The following PPP1R12B variants were observed in gnomAD, a reference collection of about 807,000 sequenced individuals.
PPP1R12B encodes protein phosphatase 1 regulatory subunit 12B.
A neutral mutation model predicts 126.1 loss-of-function variants in PPP1R12B; 76 were observed. The ratio of observed to expected loss-of-function variants is 0.60; its 90% CI spans 0.50 to 0.73. PPP1R12B has a LOEUF of 0.73. PPP1R12B is among the 30% of genes least tolerant of loss of function. PPP1R12B has a pLI of 0.00. For synonymous variants in PPP1R12B, 356 were observed against 434.7 expected (o/e 0.82, Z 2.25); for missense variants, 1,052 against 1,205.1 (o/e 0.87, Z 1.88).
At chr1:202,536,405 A>G (rs1684533815) in intron 18 of PPP1R12B, among the ~76,000 whole-genome samples, 1 of 152,222 alleles carries the variant, frequency 6.6e-6, no homozygotes, top group African/African-American at 2.4e-5. Flanking sequence ...GGTATTGTAA[A>G]AATACTGGGT....
At chr1:202,437,291 A>G (rs761334318) in intron 9 of PPP1R12B, among the ~76,000 whole-genome samples, 17 of 152,178 alleles carry the variant, frequency 1.1e-4, no homozygotes, top group Middle Eastern at 3.4e-3. Context: ...TGATTAGGCC[A>G]CTGCACTCCA....
chr1:202,360,452 T>A (rs1657960375), intron 1 of PPP1R12B, among the ~76,000 whole-genome samples: 1 of 152,132 alleles, frequency 6.6e-6, no homozygotes, highest in Non-Finnish European at 1.5e-5. Flanking sequence ...CTTACACCTG[T>A]AATCACAGCA....
At chr1:202,455,386 C>A (rs1201023709) in intron 13 of PPP1R12B, among the ~76,000 whole-genome samples, 1 of 152,090 alleles carries the variant, frequency 6.6e-6, no homozygotes, top group Non-Finnish European at 1.5e-5. Flanking sequence ...TCCTTATTCC[C>A]CCTAGGCCTA....
chr1:202,505,419 C>T (rs766949730), intron 18 of PPP1R12B, among the ~76,000 whole-genome samples: 8 of 152,158 alleles, frequency 5.3e-5, no homozygotes, highest in Non-Finnish European at 8.8e-5. Flanking sequence ...TTTTTCACAG[C>T]GTTGCTTCTG....
At chr1:202,490,661 G>A (rs139645111) in intron 14 of PPP1R12B, among the ~76,000 whole-genome samples, 1 of 152,170 alleles carries the variant, frequency 6.6e-6, no homozygotes. Context: ...TGGCAACGCT[G>A]CTTCCACTTT....
intron 1 of PPP1R12B, among the ~76,000 whole-genome samples, chr1:202,379,615 A>G (rs1348028395): frequency 2.0e-5 from 3 of 152,208 alleles, no homozygotes; most frequent in Non-Finnish European, 4.4e-5. Context: ...TATTTTTAAA[A>G]TTCTTGTTGA....
intron 18 of PPP1R12B, among the ~76,000 whole-genome samples, chr1:202,519,602 C>T (rs1682550099): frequency 6.6e-6 from 1 of 152,154 alleles, no homozygotes; most frequent in Non-Finnish European, 1.5e-5. Flanking sequence ...CCACTCTTAA[C>T]TTCCATTTAG....
chr1:202,369,459 T>A (rs1659844877), intron 1 of PPP1R12B: 1 of 152,560 alleles, frequency 6.6e-6, no homozygotes, highest in Non-Finnish European at 1.5e-5. Context: ...TATTCATGAT[T>A]TGAATTCTGA....
At chr1:202,510,490 G>A (rs1362745684) in intron 18 of PPP1R12B, among the ~76,000 whole-genome samples, 1 of 152,156 alleles carries the variant, frequency 6.6e-6, no homozygotes, top group Non-Finnish European at 1.5e-5. Flanking sequence ...AATGTTTAGG[G>A]ATTGCTAACA....
chr1:202,377,459 C>T (rs1661378643), intron 1 of PPP1R12B, among the ~76,000 whole-genome samples: 2 of 151,852 alleles, frequency 1.3e-5, no homozygotes, highest in Admixed American at 1.3e-4. Context: ...CCCGCCACCA[C>T]GCCCGGCTAA....
At chr1:202,428,032 G>A (rs1669774071) in intron 5 of PPP1R12B, among the ~76,000 whole-genome samples, 3 of 46,692 alleles carry the variant, frequency 6.4e-5, no homozygotes, top group Admixed American at 5.7e-4. Flanking sequence ...CTGGTCTCAA[G>A]CTCCTGGGCT....
chr1:202,423,659 G>A (rs1483919285), intron 3 of PPP1R12B, among the ~76,000 whole-genome samples: 1 of 152,138 alleles, frequency 6.6e-6, no homozygotes, highest in Non-Finnish European at 1.5e-5. Context: ...TTCATGTATA[G>A]TTTTTCTGTC....
intron 1 of PPP1R12B, among the ~76,000 whole-genome samples, chr1:202,390,130 G>A (rs927977982): frequency 1.1e-4 from 17 of 152,108 alleles, no homozygotes; most frequent in African/African-American, 4.1e-4. Context: ...GTAGAAATCC[G>A]TGCAACTATG....
At chr1:202,509,634 A>G (rs1681208090) in intron 18 of PPP1R12B, among the ~76,000 whole-genome samples, 1 of 152,196 alleles carries the variant, frequency 6.6e-6, no homozygotes, top group Non-Finnish European at 1.5e-5. Context: ...TGCCTGTCAG[A>G]AGATTGTTAG....
intron 1 of PPP1R12B, among the ~76,000 whole-genome samples, chr1:202,375,474 C>T (rs560321324): frequency 1.3e-5 from 2 of 152,192 alleles, no homozygotes; most frequent in Non-Finnish European, 2.9e-5. Context: ...TCCTTATTGT[C>T]TCTCTTCTTT....
intron 12 of PPP1R12B, among the ~76,000 whole-genome samples, chr1:202,444,337 AT>A (rs999738961): frequency 6.6e-6 from 1 of 152,202 alleles, no homozygotes; most frequent in African/African-American, 2.4e-5. Flanking sequence ...TATTTTTGAA[AT>A]TTGAACCCAA....
At chr1:202,445,453 A>G (rs1199250014) in intron 12 of PPP1R12B, among the ~76,000 whole-genome samples, 1 of 152,244 alleles carries the variant, frequency 6.6e-6, no homozygotes, top group Admixed American at 6.5e-5. Context: ...TGGTGTTTGG[A>G]CATCAGCTTA....
intron 18 of PPP1R12B, chr1:202,502,275 G>T (rs570508744): frequency 5.5e-5 from 54 of 983,974 alleles, no homozygotes; most frequent in Non-Finnish European, 6.4e-5. Context: ...GATAACTGGG[G>T]GTATGCTCGT....
At chr1:202,542,380 T>C (rs1685214596) in intron 18 of PPP1R12B, among the ~76,000 whole-genome samples, 1 of 152,206 alleles carries the variant, frequency 6.6e-6, no homozygotes, top group Non-Finnish European at 1.5e-5. Flanking sequence ...AGAAGAGAAA[T>C]GGCTTGCCTA....
Sources: allele counts gnomAD v4.1 joint callset (sites outside exome capture counted in the v4.1 genomes callset), GRCh38; gene constraint gnomAD v4.1.1; transcripts MANE v1.5; gene names NCBI Gene and HGNC (gene_info 2026-07-23, HGNC 2026-07-21).